The following NFATC2 variants were observed in gnomAD, a reference collection of about 807,000 sequenced individuals.
The protein encoded by NFATC2 is nuclear factor of activated T cells 2.
Under a neutral mutation model 87.3 loss-of-function variants are expected in NFATC2, and 22 were observed. The observed-to-expected ratio is 0.25, with a 90% confidence interval of 0.18 to 0.36. NFATC2 has a LOEUF of 0.36. Ranked by LOEUF, NFATC2 falls within the 10% of genes least tolerant of loss-of-function variation. The pLI, the probability that NFATC2 is intolerant of heterozygous loss-of-function variation, is 1.00. For missense variants in NFATC2, 1,149 were observed against 1,259.1 expected (o/e 0.91, Z 1.32); for synonymous variants, 565 against 542.2 (o/e 1.04, Z -0.58).
At chr20:51,551,799 G>C (rs1359105129) in intron 1 of NFATC2, among the ~76,000 whole-genome samples, 10 of 152,100 alleles carry the variant, frequency 6.6e-5, no homozygotes, top group African/African-American at 1.9e-4. Flanking sequence ...AGGCCAAGGT[G>C]GGCGGATCAT....
intron 3 of NFATC2, among the ~76,000 whole-genome samples, chr20:51,494,613 G>A (rs1174723983): frequency 6.6e-6 from 1 of 152,140 alleles, no homozygotes; most frequent in African/African-American, 2.4e-5. Context: ...CACGCGCCTT[G>A]AGGGACTGGC....
At chr20:51,551,525 T>C (rs1454234050) in intron 1 of NFATC2, among the ~76,000 whole-genome samples, 1 of 150,674 alleles carries the variant, frequency 6.6e-6, no homozygotes, top group Non-Finnish European at 1.5e-5. Context: ...CACCTCAGCC[T>C]CCTAGTAGCT....
At chr20:51,500,749 A>AC (rs1176014474) in intron 3 of NFATC2, among the ~76,000 whole-genome samples, 1 of 25,912 alleles carries the variant, frequency 3.9e-5, no homozygotes. Context: ...AACCCCCACC[A>AC]CCCCCACCCT....
intron 9 of NFATC2, among the ~76,000 whole-genome samples, chr20:51,414,653 C>CA (rs1388384869): frequency 6.6e-6 from 1 of 151,770 alleles, no homozygotes; most frequent in Admixed American, 6.6e-5. Flanking sequence ...TGTGCCACTG[C>CA]ACTCCAGCCT....
upstream of NFATC2, chr20:51,562,727 G>C (rs949613125): frequency 5.6e-6 from 7 of 1,257,212 alleles, no homozygotes; most frequent in Non-Finnish European, 7.8e-6. The surrounding 1 kb of genome is among the most constrained non-coding windows in gnomAD (Gnocchi z 5.8). Context: ...GCGTGCCCGC[G>C]GGGCTGCCCT....
chr20:51,405,569 G>C (rs758942994), intron 9 of NFATC2, among the ~76,000 whole-genome samples: 2 of 152,124 alleles, frequency 1.3e-5, no homozygotes, highest in Non-Finnish European at 2.9e-5. Flanking sequence ...GTTTTGGGAG[G>C]GAGTAGCATG....
chr20:51,439,018 G>A (rs1983964970), intron 6 of NFATC2, among the ~76,000 whole-genome samples: 1 of 152,216 alleles, frequency 6.6e-6, no homozygotes, highest in East Asian at 1.9e-4. Flanking sequence ...GCTGGAGAAA[G>A]ATCTCATGTG....
chr20:51,440,473 C>T (rs939362494), intron 6 of NFATC2, among the ~76,000 whole-genome samples: 4 of 152,068 alleles, frequency 2.6e-5, no homozygotes, highest in African/African-American at 7.2e-5. Context: ...ATTTATGAAG[C>T]GACGAAGTCT....
At chr20:51,522,121 T>C (rs1045015359) in intron 2 of NFATC2, among the ~76,000 whole-genome samples, 9 of 152,200 alleles carry the variant, frequency 5.9e-5, no homozygotes, top group Non-Finnish European at 1.0e-4. Context: ...CTGAGCATCC[T>C]CAGATTTTGG....
chr20:51,496,665 C>T (rs1364268987), intron 3 of NFATC2, among the ~76,000 whole-genome samples: 1 of 152,144 alleles, frequency 6.6e-6, no homozygotes, highest in Non-Finnish European at 1.5e-5. Context: ...TATTATCATC[C>T]TACTTTACAG....
chr20:51,561,312 C>A (rs1225597601), intron 1 of NFATC2, among the ~76,000 whole-genome samples: 1 of 112,670 alleles, frequency 8.9e-6, no homozygotes. Flanking sequence ...AGGCATTTGG[C>A]TTCAATCTAG....
chr20:51,395,322 A>AC (rs1334180930), intron 10 of NFATC2, among the ~76,000 whole-genome samples: 1 of 50,862 alleles, frequency 2.0e-5, no homozygotes, highest in Admixed American at 2.1e-4. Flanking sequence ...ATTAACTTGT[A>AC]TGGTATTGAT....
At chr20:51,531,976 G>A (rs2076640480) in intron 1 of NFATC2, among the ~76,000 whole-genome samples, 1 of 152,156 alleles carries the variant, frequency 6.6e-6, no homozygotes. Flanking sequence ...TGTGGAGGAG[G>A]TAAAACGTGC....
chr20:51,471,677 AC>A (rs1014513565), intron 5 of NFATC2, among the ~76,000 whole-genome samples: 15 of 152,186 alleles, frequency 9.9e-5, no homozygotes, highest in African/African-American at 3.4e-4. Context: ...CTCCTTCCTG[AC>A]TTTTCACCAT....
At chr20:51,522,492 T>C (rs546358231) in intron 2 of NFATC2, among the ~76,000 whole-genome samples, 81 of 151,692 alleles carry the variant, frequency 5.3e-4, no homozygotes, top group South Asian at 1.3e-3. Flanking sequence ...CTTAAGAGAC[T>C]CCAAAGCCTA....
At chr20:51,491,449 T>G (rs759603413) in intron 3 of NFATC2, among the ~76,000 whole-genome samples, 1 of 152,180 alleles carries the variant, frequency 6.6e-6, no homozygotes, top group Non-Finnish European at 1.5e-5. Context: ...CAGGAAATAT[T>G]CAACGACCAG....
In NFATC2 at chr20:51,562,541, G is replaced by A; in HGVS notation, c.70+19C>T. On this transcript the variant is annotated intron_variant, in intron 1 of 10. Coordinates refer to the NFATC2 transcript ENST00000414705. The surrounding 1 kb of genome is among the most constrained non-coding windows in gnomAD (Gnocchi z 5.8). ...GAGGAGCGAGCGGAAAAGGCTGGAA[G>A]GGATCGAGAGTCAGTTACCTTGGTC... 6.5e-7 allele frequency: 1 copy of A among 1,547,372 alleles called. No individual in the cohort carries two copies. The highest frequency in any genetic ancestry group is 8.7e-7 in the Non-Finnish European group (1 of 1,143,472).
chr20:51,453,355 C>T (rs1384707202), intron 6 of NFATC2, among the ~76,000 whole-genome samples: 3 of 152,180 alleles, frequency 2.0e-5, no homozygotes, highest in Non-Finnish European at 4.4e-5. Context: ...GAGGAGGTGC[C>T]CTTGTACAGT....
intron 1 of NFATC2, among the ~76,000 whole-genome samples, chr20:51,528,559 G>T: frequency 6.6e-6 from 1 of 152,216 alleles, no homozygotes; most frequent in Middle Eastern, 3.2e-3. Context: ...GGATGCACAG[G>T]CTTTCTCTGG....
Sources: allele counts gnomAD v4.1 joint callset (sites outside exome capture counted in the v4.1 genomes callset), GRCh38; gene constraint gnomAD v4.1.1; non-coding constraint Gnocchi (gnomAD v3.1); transcripts MANE v1.5; gene names NCBI Gene and HGNC (gene_info 2026-07-23, HGNC 2026-07-21).